Variants in CLASP1 observed in about 807,000 individuals in gnomAD.
CLASP1 encodes the protein CLIP-associating protein 1.
In CLASP1, 38 loss-of-function variants were observed where a neutral mutation model predicts 192.3. That is an observed-to-expected ratio of 0.20 (90% CI 0.15 to 0.26). The LOEUF is 0.26. Among genes scored for constraint, CLASP1 ranks in the 10% least tolerant of loss-of-function variants. The pLI is 1.00. For missense variants in CLASP1, 1,433 were observed against 1,932.5 expected (o/e 0.74, Z 4.85); for synonymous variants, 691 against 712.8 (o/e 0.97, Z 0.49).
At chr2:121,405,690 G>C (rs535420735) in intron 25 of CLASP1, among the ~76,000 whole-genome samples, 1 of 149,618 alleles carries the variant, frequency 6.7e-6, no homozygotes, top group Non-Finnish European at 1.5e-5. Flanking sequence ...ATGGGTACTT[G>C]GTGAACACTA....
rs546264363 is a variant in CLASP1 at position 121,646,066 on chromosome 2, T to C, written c.-286+3306A>G. On this transcript the variant is annotated intron_variant, in intron 1 of 39. Transcript: ENST00000263710. ...AAACCAAAAACTGTATCAGCGATGATTTCTACTTCGCTTAGTTTTTGTTTT... is the reference window on the plus strand; with the variant it reads ...AAACCAAAAACTGTATCAGCGATGACTTCTACTTCGCTTAGTTTTTGTTTT... Among the ~76,000 whole-genome samples the C allele has an allele frequency of 2.0e-5, 3 of 152,360 alleles. No individual in the cohort carries two copies. In the East Asian group the frequency reaches 5.8e-4, roughly 29 times the overall value.
rs558773719 is a variant in CLASP1, at chr2:121,519,458, T to C, written c.547-3696A>G. Among the ~76,000 whole-genome samples, 11 of 152,306 alleles carry C rather than the reference T, an allele frequency of 7.2e-5. 1 individual carries two copies. In the East Asian group the frequency reaches 1.2e-3, roughly 16 times the overall value. On this transcript the variant is annotated intron_variant, in intron 6 of 39. Transcript: ENST00000263710. Reference sequence around the variant, plus strand: ...CCACCACCCAGCCACAGAGGAATGGTAGCACAGCTTTACCAGGCCTTCTAC... The same window carrying C: ...CCACCACCCAGCCACAGAGGAATGGCAGCACAGCTTTACCAGGCCTTCTAC...
At chr2:121,615,691 G>A (rs2066332166) in intron 1 of CLASP1, among the ~76,000 whole-genome samples, 1 of 152,096 alleles carries the variant, frequency 6.6e-6, no homozygotes, top group African/African-American at 2.4e-5. Flanking sequence ...AGGTAAGGCA[G>A]GAGAATTGCT....
chr2:121,630,615 G>A (rs984066134), intron 1 of CLASP1, among the ~76,000 whole-genome samples: 1 of 152,106 alleles, frequency 6.6e-6, no homozygotes, highest in African/African-American at 2.4e-5. Flanking sequence ...TATAATCCCA[G>A]CACTTTGGGA....
At chr2:121,407,747 G>A in intron 24 of CLASP1, 32 bp from the exon 26 acceptor site, 1 of 1,613,424 alleles carries the variant, frequency 6.2e-7, no homozygotes, top group South Asian at 1.1e-5. Flanking sequence ...GGGAGTGATT[G>A]AGGAAGAAAT....
chr2:121,513,598 T>C (rs1424606753), intron 7 of CLASP1, among the ~76,000 whole-genome samples: 1 of 152,142 alleles, frequency 6.6e-6, no homozygotes, highest in Non-Finnish European at 1.5e-5. Context: ...ACTGGTTCAC[T>C]AGGAAGACTC....
intron 28 of CLASP1, among the ~76,000 whole-genome samples, chr2:121,400,220 TA>T (rs2075960969): frequency 2.0e-5 from 3 of 152,200 alleles, no homozygotes; most frequent in African/African-American, 7.2e-5. Flanking sequence ...TTTATTTATT[TA>T]ATATTCTTTT....
intron 19 of CLASP1, among the ~76,000 whole-genome samples, chr2:121,438,405 G>A (rs1574836190): frequency 6.6e-6 from 1 of 152,152 alleles, no homozygotes; most frequent in Non-Finnish European, 1.5e-5. Context: ...AGATAAAGAG[G>A]ATTTTTTGTG....
At chr2:121,640,664 G>T (rs776913682) in intron 1 of CLASP1, among the ~76,000 whole-genome samples, 3 of 149,734 alleles carry the variant, frequency 2.0e-5, no homozygotes, top group Non-Finnish European at 2.9e-5. Context: ...CCTTCATGAA[G>T]GAAGAACAAC....
chr2:121,526,407 T>C (rs1263756872), intron 5 of CLASP1, among the ~76,000 whole-genome samples: 3 of 152,256 alleles, frequency 2.0e-5, no homozygotes, highest in Non-Finnish European at 4.4e-5. Context: ...AGCCAAGTAC[T>C]GCCCTACTGG....
chr2:121,570,422 G>A (rs2059885744), intron 2 of CLASP1, among the ~76,000 whole-genome samples: 1 of 152,186 alleles, frequency 6.6e-6, no homozygotes, highest in Admixed American at 6.5e-5. Flanking sequence ...TATCTCTGTG[G>A]CTAAAGTCAT....
chr2:121,464,126 G>A (rs570482342), intron 9 of CLASP1, among the ~76,000 whole-genome samples: 36 of 151,676 alleles, frequency 2.4e-4, no homozygotes, highest in Non-Finnish European at 4.9e-4. Flanking sequence ...ATAGTTTACC[G>A]AGAATGATGA....
rs766644604 is a variant in CLASP1, at chr2:121,568,918, T to C, written c.195+36783A>G. Among the ~76,000 whole-genome samples the C allele has an allele frequency of 7.9e-3, 1,199 of 152,250 alleles. 7 individuals carry two copies. The highest frequency in any genetic ancestry group is 0.014 in the Non-Finnish European group (947 of 68,014). On this transcript the variant is annotated intron_variant, in intron 2 of 39. Transcript: ENST00000263710. The stretch of plus-strand genomic sequence containing the variant: ...GAATAGTTTGGAGGAATAGAATTGA[T>C]AGGGTAGCCTCTGGCTGTCCTGAGC...
intron 8 of CLASP1, among the ~76,000 whole-genome samples, chr2:121,478,073 T>A (rs2091859065): frequency 6.6e-6 from 1 of 152,130 alleles, no homozygotes; most frequent in Admixed American, 6.5e-5. Context: ...CTTATGAACA[T>A]TAAAAATCCT....
intron 9 of CLASP1, among the ~76,000 whole-genome samples, chr2:121,467,868 C>T (rs1296037381): frequency 2.0e-5 from 3 of 152,122 alleles, no homozygotes; most frequent in Non-Finnish European, 4.4e-5. Context: ...TTTGCCCATG[C>T]CTATGTCCTA....
chr2:121,363,282 C>T, exon 37 of CLASP1: 1 of 1,613,814 alleles, frequency 6.2e-7, no homozygotes, highest in Non-Finnish European at 8.5e-7. Flanking sequence ...ACTCTTAACG[C>T]CAGTGCTCGA....
At chr2:121,526,618 G>A (rs1039907652) in intron 5 of CLASP1, among the ~76,000 whole-genome samples, 4 of 151,854 alleles carry the variant, frequency 2.6e-5, no homozygotes, top group African/African-American at 9.7e-5. Flanking sequence ...GCACTGAAAA[G>A]GCTAACATAT....
chr2:121,378,312 A>T (rs2070765055), intron 33 of CLASP1, among the ~76,000 whole-genome samples: 1 of 152,216 alleles, frequency 6.6e-6, no homozygotes, highest in African/African-American at 2.4e-5. Flanking sequence ...ATCAAAGCAG[A>T]TTTTATAAAA....
chr2:121,431,771 T>TG (rs2081459817), intron 19 of CLASP1, among the ~76,000 whole-genome samples: 1 of 150,832 alleles, frequency 6.6e-6, no homozygotes, highest in African/African-American at 2.4e-5. Flanking sequence ...TGTAAATACA[T>TG]GTTTTCACAA....
Sources: allele counts gnomAD v4.1 joint callset (sites outside exome capture counted in the v4.1 genomes callset), GRCh38; gene constraint gnomAD v4.1.1; transcripts MANE v1.5; gene names NCBI Gene and HGNC (gene_info 2026-07-23, HGNC 2026-07-21).